Variants in COMMD7 observed in about 807,000 individuals in gnomAD.
The protein encoded by COMMD7 is COMM domain-containing protein 7.
A neutral mutation model predicts 34.8 loss-of-function variants in COMMD7; 28 were observed. That is an observed-to-expected ratio of 0.80 (90% CI 0.60 to 1.10). The LOEUF (loss-of-function observed/expected upper bound fraction) is 1.10. Ranked by LOEUF, COMMD7 falls within the 50% of genes least tolerant of loss-of-function variation. COMMD7 has a pLI of 0.00. For synonymous variants in COMMD7, 80 were observed against 86.4 expected (o/e 0.93, Z 0.41); for missense variants, 211 against 241.6 (o/e 0.87, Z 0.84).
chr20:32,715,189 TAAA>T (rs1215230165), intron 3 of COMMD7, among the ~76,000 whole-genome samples: 2 of 123,284 alleles, frequency 1.6e-5, no homozygotes, highest in Non-Finnish European at 3.5e-5. Context: ...ATAATAATAA[TAAA>T]AAAACAGGCA....
chr20:32,721,845 T>C (rs541977099), intron 3 of COMMD7, among the ~76,000 whole-genome samples: 1 of 149,180 alleles, frequency 6.7e-6, no homozygotes, highest in Non-Finnish European at 1.5e-5. Context: ...TGCAGTGAGC[T>C]GAAATCATGC....
intron 8 of COMMD7, 154 bp from the exon 9 acceptor site, chr20:32,703,612 G>A: frequency 1.4e-6 from 2 of 1,441,982 alleles, no homozygotes; most frequent in Non-Finnish European, 1.8e-6. Flanking sequence ...AAAGAACTGA[G>A]AGACTTGAAT....
chr20:32,716,677 C>G (rs1257826592), intron 3 of COMMD7, among the ~76,000 whole-genome samples: 1 of 152,124 alleles, frequency 6.6e-6, no homozygotes, highest in African/African-American at 2.4e-5. Flanking sequence ...ACCTGTAATC[C>G]CAGCTACTCA....
At chr20:32,709,598 A>G (rs1984305441) in intron 3 of COMMD7, among the ~76,000 whole-genome samples, 1 of 152,126 alleles carries the variant, frequency 6.6e-6, no homozygotes, top group African/African-American at 2.4e-5. Context: ...AGGTCAGACC[A>G]TGCTATTTTT....
intron 1 of COMMD7, among the ~76,000 whole-genome samples, chr20:32,732,619 C>T (rs552589620): frequency 3.3e-5 from 5 of 151,656 alleles, no homozygotes; most frequent in South Asian, 2.1e-4. Flanking sequence ...CATAATAATA[C>T]ATTTAAATTT....
At chr20:32,737,572 T>A (rs6141796) in intron 1 of COMMD7, among the ~76,000 whole-genome samples, 1 of 151,348 alleles carries the variant, frequency 6.6e-6, no homozygotes, top group Admixed American at 6.6e-5. Context: ...CTCACACCTA[T>A]AATCCCAGCA....
At chr20:32,715,260 AC>A (rs1394789613) in intron 3 of COMMD7, among the ~76,000 whole-genome samples, 1 of 151,850 alleles carries the variant, frequency 6.6e-6, no homozygotes, top group African/African-American at 2.4e-5. Flanking sequence ...AGGCAGGTGG[AC>A]TGCTTGAACT....
intron 3 of COMMD7, among the ~76,000 whole-genome samples, chr20:32,712,169 C>CT (rs1438269713): frequency 6.8e-6 from 1 of 147,422 alleles, no homozygotes; most frequent in African/African-American, 2.5e-5. Flanking sequence ...ACTCAGGAGG[C>CT]TGAGACAGGA....
intron 1 of COMMD7, among the ~76,000 whole-genome samples, chr20:32,736,538 C>T (rs751729600): frequency 6.6e-6 from 1 of 151,904 alleles, no homozygotes; most frequent in Non-Finnish European, 1.5e-5. Flanking sequence ...GGCATGGTGG[C>T]ACATGCCTGT....
chr20:32,704,410 C>A (rs1983930200), intron 7 of COMMD7, 30 bp downstream of exon 7: 4 of 1,584,222 alleles, frequency 2.5e-6, no homozygotes, highest in Non-Finnish European at 3.4e-6. Context: ...CAAAAATCTA[C>A]CCATTTTCAA....
chr20:32,735,289 T>C (rs572381376), intron 1 of COMMD7, among the ~76,000 whole-genome samples: 124 of 152,118 alleles, frequency 8.2e-4, no homozygotes, highest in African/African-American at 2.8e-3. Flanking sequence ...AATTAAGACT[T>C]TTATTTCTAT....
intron 1 of COMMD7, among the ~76,000 whole-genome samples, chr20:32,738,607 A>G (rs1333402612): frequency 1.3e-5 from 2 of 152,152 alleles, no homozygotes; most frequent in Non-Finnish European, 2.9e-5. Flanking sequence ...GTTTTCCTAG[A>G]GATGGGGTCT....
At chr20:32,708,214 C>A (rs1247771360) in intron 3 of COMMD7, among the ~76,000 whole-genome samples, 1 of 152,152 alleles carries the variant, frequency 6.6e-6, no homozygotes, top group Non-Finnish European at 1.5e-5. Flanking sequence ...GTTTAACCTG[C>A]AGGCTACATC....
chr20:32,711,415 TAAA>T (rs76264991), intron 3 of COMMD7, among the ~76,000 whole-genome samples: 1 of 123,992 alleles, frequency 8.1e-6, no homozygotes, highest in Non-Finnish European at 1.7e-5. Context: ...AAATGTTACT[TAAA>T]AAAAAAAAAA....
At chr20:32,725,468 G>A (rs1212569991) in intron 3 of COMMD7, among the ~76,000 whole-genome samples, 9 of 133,392 alleles carry the variant, frequency 6.7e-5, no homozygotes, top group Admixed American at 3.4e-4. Flanking sequence ...TTGCTCCGTC[G>A]CCCAGGCTGG....
intron 3 of COMMD7, among the ~76,000 whole-genome samples, chr20:32,718,447 A>G (rs1984946937): frequency 6.6e-6 from 1 of 151,110 alleles, no homozygotes; most frequent in African/African-American, 2.4e-5. Context: ...GCCTGTAATC[A>G]CAGCACTTTG....
chr20:32,719,061 A>C (rs1448577285), intron 3 of COMMD7, among the ~76,000 whole-genome samples: 3 of 152,186 alleles, frequency 2.0e-5, no homozygotes, highest in African/African-American at 7.2e-5. Flanking sequence ...AGGTCAAAGG[A>C]AGAGGACACT....
At chr20:32,717,892 C>T (rs1164328306) in intron 3 of COMMD7, among the ~76,000 whole-genome samples, 1 of 151,804 alleles carries the variant, frequency 6.6e-6, no homozygotes, top group Non-Finnish European at 1.5e-5. Flanking sequence ...TGAGACCACC[C>T]TGGCTGACAT....
At chr20:32,737,837 T>TAAAAA (rs11473460) in intron 1 of COMMD7, among the ~76,000 whole-genome samples, 7 of 141,188 alleles carry the variant, frequency 5.0e-5, no homozygotes, top group Non-Finnish European at 9.1e-5. Flanking sequence ...GGTCCTGTCT[T>TAAAAA]AAAAAAAAAA....
Sources: allele counts gnomAD v4.1 joint callset (sites outside exome capture counted in the v4.1 genomes callset), GRCh38; gene constraint gnomAD v4.1.1; transcripts MANE v1.5; gene names NCBI Gene and HGNC (gene_info 2026-07-23, HGNC 2026-07-21).